The following OCA2 variants were observed in gnomAD, a reference collection of about 807,000 sequenced individuals.
OCA2 encodes the protein P protein.
A neutral mutation model predicts 100.2 loss-of-function variants in OCA2; 77 were observed. The observed-to-expected ratio is 0.77, with a 90% CI of 0.64 to 0.93. The LOEUF (loss-of-function observed/expected upper bound fraction) is 0.93, where lower values mean the gene tolerates loss of function less well. Among genes scored for constraint, OCA2 ranks in the 40% least tolerant of loss-of-function variants. The pLI, the probability that OCA2 is intolerant of heterozygous loss-of-function variation, is 0.00. For missense variants in OCA2, 1,062 were observed against 1,089.1 expected, an observed-to-expected ratio of 0.98 and a Z score of 0.35; for synonymous variants, 432 against 439.2, an observed-to-expected ratio of 0.98 and a Z score of 0.21.
intron 14 of OCA2, among the ~76,000 whole-genome samples, chr15:27,972,318 C>T (rs1157200199): frequency 1.3e-5 from 2 of 152,126 alleles, no homozygotes; most frequent in Non-Finnish European, 2.9e-5. Context: ...ATAAGTGTGC[C>T]GGTGTCTTTT....
intron 23 of OCA2, among the ~76,000 whole-genome samples, chr15:27,763,030 A>G (rs2030968768): frequency 6.6e-6 from 1 of 152,206 alleles, no homozygotes; most frequent in South Asian, 2.1e-4. Flanking sequence ...ACACTTTAGG[A>G]TGCCCTTTTT....
intron 23 of OCA2, among the ~76,000 whole-genome samples, chr15:27,780,752 C>A (rs1439026270): frequency 6.6e-6 from 1 of 152,170 alleles, no homozygotes; most frequent in East Asian, 1.9e-4. Flanking sequence ...CTTTAAACAA[C>A]CAGTGTTCTG....
At chr15:27,915,533 A>C (rs1047420862) in intron 19 of OCA2, among the ~76,000 whole-genome samples, 5 of 152,224 alleles carry the variant, frequency 3.3e-5, no homozygotes, top group Non-Finnish European at 5.9e-5. Flanking sequence ...AACCCTGTTA[A>C]AATATGGGCA....
chr15:27,827,183 C>T (rs1233252173), intron 23 of OCA2, among the ~76,000 whole-genome samples: 3 of 152,196 alleles, frequency 2.0e-5, no homozygotes, highest in Non-Finnish European at 4.4e-5. Flanking sequence ...GACAGGAAGC[C>T]GGCACATCTG....
chr15:27,865,166 G>C (rs1380481400), intron 21 of OCA2, among the ~76,000 whole-genome samples: 1 of 151,914 alleles, frequency 6.6e-6, no homozygotes, highest in South Asian at 2.1e-4. Flanking sequence ...GAAGAGATGG[G>C]TTCTGTTTTG....
chr15:27,777,593 C>T (rs2032308758), intron 23 of OCA2, among the ~76,000 whole-genome samples: 3 of 152,210 alleles, frequency 2.0e-5, no homozygotes, highest in Admixed American at 6.5e-5. Context: ...CATGTGCACA[C>T]ATTTTTTATT....
At chr15:27,733,196 C>G in the OCA2 span, among the ~76,000 whole-genome samples, 2 of 152,210 alleles carry the variant, frequency 1.3e-5, no homozygotes. Flanking sequence ...GATATGGTTA[C>G]ATTCAGATGT....
chr15:27,939,023 G>C (rs890137715), intron 18 of OCA2, among the ~76,000 whole-genome samples: 1 of 152,204 alleles, frequency 6.6e-6, no homozygotes, highest in African/African-American at 2.4e-5. Flanking sequence ...CTGAGGCCAT[G>C]GGGGAACCAA....
chr15:27,734,960 T>G, the OCA2 span, among the ~76,000 whole-genome samples: 87,355 of 151,976 alleles, frequency 0.57, 26,472 homozygotes, highest in African/African-American at 0.72. Context: ...AGAGCAATCA[T>G]GGAAACATGA....
intron 18 of OCA2, among the ~76,000 whole-genome samples, chr15:27,943,857 C>T (rs1421641646): frequency 6.6e-6 from 1 of 152,042 alleles, no homozygotes; most frequent in East Asian, 1.9e-4. Flanking sequence ...CGCACCTTGC[C>T]GGACTGAACC....
intron 23 of OCA2, among the ~76,000 whole-genome samples, chr15:27,777,219 T>C (rs2032287915): frequency 6.6e-6 from 1 of 152,170 alleles, no homozygotes; most frequent in South Asian, 2.1e-4. Flanking sequence ...GACTACGCTC[T>C]GGGCTCAAGT....
At chr15:27,846,554 A>C (rs1286196113) in intron 22 of OCA2, among the ~76,000 whole-genome samples, 1 of 152,172 alleles carries the variant, frequency 6.6e-6, no homozygotes, top group Non-Finnish European at 1.5e-5. Flanking sequence ...TGATTGAAAA[A>C]AATGCCCATT....
chr15:27,844,587 C>T (rs1260044070), intron 23 of OCA2, among the ~76,000 whole-genome samples: 1 of 152,086 alleles, frequency 6.6e-6, no homozygotes, highest in African/African-American at 2.4e-5. Flanking sequence ...TCAGCTCCAC[C>T]TCCCGGGTTC....
chr15:27,814,605 C>T (rs987998106), intron 23 of OCA2, among the ~76,000 whole-genome samples: 1 of 152,150 alleles, frequency 6.6e-6, no homozygotes, highest in Non-Finnish European at 1.5e-5. Flanking sequence ...AGGCCAGGCA[C>T]CGTGGCTCAC....
Position 27,867,187 on chromosome 15 carries a change from T to TA in OCA2, c.2244+3966dup, listed in dbSNP as rs567405331. Among the ~76,000 whole-genome samples, 486 of 152,302 alleles carry TA rather than the reference T, an allele frequency of 3.2e-3. 2 individuals carry two copies. Among genetic ancestry groups the TA allele is most frequent in the African/African-American group, 0.011 (469 of 41,566 alleles). On this transcript the variant is annotated intron_variant, in intron 21 of 23. Coordinates refer to ENST00000354638, the MANE Select transcript of OCA2 (RefSeq NM_000275.3). Reference sequence around the variant, plus strand: ...CTGTTGTTTGAAATGTTGATACCACTAGGTGCATTACAAACAGAATGATTT... The same window carrying TA: ...CTGTTGTTTGAAATGTTGATACCACTAAGGTGCATTACAAACAGAATGATTT...
chr15:27,966,826 GAAATAAAC>G lies in OCA2; in HGVS notation c.1504-12_1504-5del. On this transcript the variant is annotated splice_polypyrimidine_tract_variant and splice_region_variant and intron_variant, in intron 14 of 23. Transcript: ENST00000354638. ...TGAATCCGGCAAAGTCCAGGCCCTG[GAAATAAAC>G]AAGGGGAAATGAAATGGCAGCCCAG... is the stretch of plus-strand genomic sequence containing the variant. 1 of 1,608,500 alleles carries G rather than the reference GAAATAAAC, an allele frequency of 6.2e-7. No individual in the cohort carries two copies. The highest frequency in any genetic ancestry group is 1.1e-5 in the South Asian group (1 of 90,434).
At chr15:28,041,051 C>T (rs751969310) in intron 2 of OCA2, among the ~76,000 whole-genome samples, 5 of 152,080 alleles carry the variant, frequency 3.3e-5, no homozygotes, top group Admixed American at 1.3e-4. Flanking sequence ...AGACACTATA[C>T]GAAAAGAAAA....
chr15:27,986,483 T>C (rs1430371769), intron 12 of OCA2, 104 bp downstream of exon 12: 1 of 853,156 alleles, frequency 1.2e-6, no homozygotes. Flanking sequence ...GGATGGAATT[T>C]TTCAATGTTT....
chr15:28,027,900 C>A lies in OCA2; in HGVS notation c.486G>T (p.Pro162=), dbSNP rs1222531095. Residue 162 remains proline, a synonymous_variant, in exon 4 of 24, where the codon CCG becomes CCT. Transcript: ENST00000354638. The part of the protein sequence containing the change: ...SSEKGDLLDS[P]HIRLRLSKLR... ...GCTTGGAAAGACGGAGTCGGATGTG[C>A]GGGCTGTCCAGAAGGTCTCCCTTCT... The A allele has an allele frequency of 1.2e-6, 2 of 1,613,602 alleles. No homozygotes were observed. The highest frequency in any genetic ancestry group is 3.3e-5 in the Admixed American group (2 of 60,022).
Sources: allele counts gnomAD v4.1 joint callset (sites outside exome capture counted in the v4.1 genomes callset), GRCh38; gene constraint gnomAD v4.1.1; transcripts MANE v1.5; gene names NCBI Gene and HGNC (gene_info 2026-07-23, HGNC 2026-07-21).